CAPN3: variants seen among roughly 807,000 people sequenced by gnomAD.
CAPN3 encodes calpain-3.
In CAPN3, 88 loss-of-function variants were observed where a neutral mutation model predicts 114.0. That is an observed-to-expected ratio of 0.77 (90% CI 0.65 to 0.92). The LOEUF (loss-of-function observed/expected upper bound fraction) is 0.92, where lower values mean the gene tolerates loss of function less well. Ranked by LOEUF, CAPN3 falls within the 40% of genes least tolerant of loss-of-function variation. The probability of loss-of-function intolerance (pLI) is 0.00; values close to 1 mark genes in which losing one functional copy is unlikely to be tolerated. For missense variants in CAPN3, 1,028 were observed against 1,069.0 expected (o/e 0.96, Z 0.53); for synonymous variants, 386 against 382.9 (o/e 1.01, Z -0.09).
rs1042151947 is a variant in CAPN3, at chr15:42,386,199, C to T, written c.412C>T (p.Leu138=). The T allele has an allele frequency of 6.2e-7, 1 of 1,614,098 alleles. No individual in the cohort carries two copies. The highest frequency in any genetic ancestry group is 8.5e-7 in the Non-Finnish European group (1 of 1,179,960). Residue 138 remains leucine (L), a synonymous_variant, in exon 3 of 24, where the codon CTG becomes TTG. Transcript: ENST00000397163. ...DCWFLAAIAC[L]TLNQHLLFRV... ...CTGGTTTCTCGCAGCCATTGCCTGC[C>T]TGACCCTGAACCAGCACCTTCTTTT...
intron 14 of CAPN3, chr15:42,404,105 A>G (rs1289982904): frequency 2.0e-6 from 1 of 497,804 alleles, no homozygotes; most frequent in East Asian, 5.5e-5. Flanking sequence ...CTGAGACTGG[A>G]TAACATTGGA....
At chr15:42,403,962 C>T in intron 14 of CAPN3, 185 bp downstream of exon 14, 3 of 683,622 alleles carry the variant, frequency 4.4e-6, no homozygotes, top group Non-Finnish European at 8.0e-6. Context: ...CGGCCTTAAG[C>T]ACCGGGGGCC....
At chr15:42,410,774 C>T (rs1289516165) in intron 21 of CAPN3, 108 bp downstream of exon 21, 1 of 1,339,618 alleles carries the variant, frequency 7.5e-7, no homozygotes, top group Non-Finnish European at 1.1e-6. Context: ...AGGGAAAGGG[C>T]TTCTCACTTT....
At position 42,390,045 on chromosome 15, in the gene CAPN3, G is replaced by C. The variant is rs1396682572; in HGVS notation, c.894G>C (p.Leu298=). ...ARMVRNMDNS[L]LQDSDLDPRG... ...TGGTAAGGAATATGGATAACTCACTGCTCCAGGACTCAGACCTCGACCCCA... is the reference window on the plus strand; with the variant it reads ...TGGTAAGGAATATGGATAACTCACTCCTCCAGGACTCAGACCTCGACCCCA... Residue 298 remains leucine, a synonymous_variant, in exon 6 of 24, where the codon CTG becomes CTC. Transcript: ENST00000397163. 2 of 1,614,032 alleles carry C rather than the reference G, an allele frequency of 1.2e-6. No homozygotes were observed. The highest frequency in any genetic ancestry group is 1.7e-6 in the Non-Finnish European group (2 of 1,180,038).
chr15:42,399,134 G>A (rs2053792430), intron 9 of CAPN3, among the ~76,000 whole-genome samples: 1 of 152,016 alleles, frequency 6.6e-6, no homozygotes, highest in South Asian at 2.1e-4. Flanking sequence ...GTATCCATTA[G>A]CCACCCTCTT....
chr15:42,379,035 C>T (rs148505049), intron 1 of CAPN3, among the ~76,000 whole-genome samples: 5 of 152,104 alleles, frequency 3.3e-5, no homozygotes, highest in Admixed American at 6.6e-5. Context: ...AATTGGTTGC[C>T]GGACGCAGTG....
intron 2 of CAPN3, 44 bp downstream of exon 2, chr15:42,384,596 G>T (rs778897893): frequency 7.9e-6 from 11 of 1,395,850 alleles, no homozygotes; most frequent in Non-Finnish European, 9.2e-6. Flanking sequence ...TGATCAAGGG[G>T]TGATTACAAG....
intron 9 of CAPN3, 70 bp from the exon 10 acceptor site, chr15:42,399,422 C>G (rs2053800555): frequency 1.7e-6 from 2 of 1,181,952 alleles, no homozygotes; most frequent in Admixed American, 3.4e-5. Flanking sequence ...TGTGTTAGTC[C>G]TGGGGTCTTC....
At chr15:42,381,942 A>G (rs988111055) in intron 1 of CAPN3, among the ~76,000 whole-genome samples, 11 of 152,182 alleles carry the variant, frequency 7.2e-5, no homozygotes, top group African/African-American at 2.4e-4. Context: ...ATTCTCTAGT[A>G]TATTCCTCAG....
chr15:42,405,996 G>T, intron 15 of CAPN3, 53 bp downstream of exon 15: 5 of 1,488,172 alleles, frequency 3.4e-6, no homozygotes, highest in Non-Finnish European at 4.7e-6. Flanking sequence ...ATATGTATGT[G>T]CATGCATGTG....
chr15:42,395,071 T>C (rs2141182507), intron 8 of CAPN3, among the ~76,000 whole-genome samples: 1 of 152,324 alleles, frequency 6.6e-6, no homozygotes, highest in East Asian at 1.9e-4. Flanking sequence ...CCTCGGCTCC[T>C]GTACTTATAT....
At position 42,411,320 on chromosome 15, in the gene CAPN3, G is replaced by GTA. The variant is rs1131691320; in HGVS notation, c.2416_2417dup (p.Ile807SerfsTer77). ...CATGCATTTGACAAGGATGGAGATG[G>GTA]TATCATCAAGCTCAACGTTCTGGAG... On this transcript the variant is annotated frameshift_variant, in exon 23 of 24. Coordinates refer to ENST00000397163, the MANE Select transcript of CAPN3 (RefSeq NM_000070.3). LOFTEE classifies it high-confidence loss of function. 4.3e-6 allele frequency: 7 copies of GTA among 1,614,100 alleles called. No individual in the cohort carries two copies. The highest frequency in any genetic ancestry group is 5.9e-6 in the Non-Finnish European group (7 of 1,179,988).
intron 23 of CAPN3, 77 bp from the exon 24 acceptor site, chr15:42,411,670 C>A (rs955759250): frequency 9.2e-6 from 8 of 870,068 alleles, no homozygotes; most frequent in Non-Finnish European, 1.5e-5. Context: ...TTCCTCTTGC[C>A]CCGTAAGATT....
Position 42,387,833 on chromosome 15 carries a change from G to C in CAPN3, c.579G>C (p.Lys193Asn). Residue 193 changes from lysine (K) to asparagine (N), a missense_variant, in exon 4 of 24, where the codon AAG (lysine) becomes AAC (asparagine). Physicochemically the swap from Lys to Asn is moderately conservative, Grantham distance 94. Transcript: ENST00000397163. ...PTYNNQLVFT[K>N]SNHRNEFWSA... Reference sequence around the variant, plus strand: ...ACAACAATCAACTGGTTTTCACCAAGTCCAACCACCGCAATGAGTTCTGGA... The same window carrying C: ...ACAACAATCAACTGGTTTTCACCAACTCCAACCACCGCAATGAGTTCTGGA... The C allele has an allele frequency of 6.2e-7, 1 of 1,614,208 alleles. No individual in the cohort carries two copies. The highest frequency in any genetic ancestry group is 8.5e-7 in the Non-Finnish European group (1 of 1,180,042).
rs370313391 is a variant in CAPN3 at position 42,390,048 on chromosome 15, C to A, written c.897C>A (p.Leu299=). 4.8e-5 allele frequency: 77 copies of A among 1,613,980 alleles called. No individual in the cohort carries two copies. In the Admixed American group the frequency reaches 6.8e-4, roughly 14 times the overall value. The change falls in exon 6 of 24, where the codon CTC becomes CTA. Residue 299 remains leucine (L), a synonymous_variant. Transcript: ENST00000397163. The part of the protein sequence containing the change: ...RMVRNMDNSL[L]QDSDLDPRGS... ...TAAGGAATATGGATAACTCACTGCT[C>A]CAGGACTCAGACCTCGACCCCAGAG...
chr15:42,403,149 T>G (rs1304005838), intron 13 of CAPN3, 147 bp downstream of exon 13: 11 of 715,876 alleles, frequency 1.5e-5, no homozygotes, highest in East Asian at 2.7e-5. Context: ...CATTCATTCA[T>G]TCATCCATTC....
chr15:42,379,533 G>A (rs994861527), intron 1 of CAPN3, among the ~76,000 whole-genome samples: 18 of 152,068 alleles, frequency 1.2e-4, no homozygotes, highest in African/African-American at 4.3e-4. Context: ...GAAAGAGAGT[G>A]TTGACATCAC....
At chr15:42,372,533 T>G (rs1001597422) in intron 1 of CAPN3, among the ~76,000 whole-genome samples, 1 of 150,688 alleles carries the variant, frequency 6.6e-6, no homozygotes, top group Non-Finnish European at 1.5e-5. Context: ...GTCACTTTTT[T>G]TGTTGTTTTT....
intron 5 of CAPN3, 42 bp from the exon 6 acceptor site, chr15:42,389,911 C>G (rs1595823643): frequency 1.9e-6 from 3 of 1,610,798 alleles, no homozygotes; most frequent in African/African-American, 2.7e-5. Flanking sequence ...TTTGTTCTCT[C>G]CCTCCCCTGT....
Sources: gnomAD v4.1 joint callset for allele counts (sites outside exome capture counted in the v4.1 genomes callset) on GRCh38, gnomAD v4.1.1 for gene constraint, MANE v1.5 for transcripts, NCBI Gene and HGNC (gene_info 2026-07-23, HGNC 2026-07-21) for gene names.